The following IL1RAPL2 variants were observed in gnomAD, a reference collection of about 807,000 sequenced individuals.
IL1RAPL2 encodes the protein X-linked interleukin-1 receptor accessory protein-like 2.
Under a neutral mutation model 44.1 loss-of-function variants are expected in IL1RAPL2, and 3 were observed. The ratio of observed to expected loss-of-function variants is 0.07; its 90% CI spans 0.03 to 0.18. The LOEUF is 0.18. Among genes scored for constraint, IL1RAPL2 ranks in the 10% least tolerant of loss-of-function variants. The probability of loss-of-function intolerance (pLI) is 1.00; values close to 1 mark genes in which losing one functional copy is unlikely to be tolerated. For synonymous variants in IL1RAPL2, 181 were observed against 178.8 expected, an observed-to-expected ratio of 1.01 and a Z score of -0.10; for missense variants, 391 against 496.4, an observed-to-expected ratio of 0.79 and a Z score of 2.02.
intron 3 of IL1RAPL2, among the ~76,000 whole-genome samples, chrX:105,214,770 G>T (rs2033838521): frequency 8.9e-6 from 1 of 111,778 alleles, no homozygotes; most frequent in African/African-American, 3.3e-5. Flanking sequence ...AATCATAACA[G>T]TCTCTCGGAC....
At chrX:105,632,871 G>A (rs753574186) in intron 6 of IL1RAPL2, among the ~76,000 whole-genome samples, 14 of 111,785 alleles carry the variant, frequency 1.3e-4, no homozygotes, top group Non-Finnish European at 2.4e-4. Flanking sequence ...AGTTCTCAAC[G>A]AGGTGAGTTT....
intron 6 of IL1RAPL2, among the ~76,000 whole-genome samples, chrX:105,654,221 G>A (rs1053163054): frequency 9.3e-6 from 1 of 107,627 alleles, no homozygotes; most frequent in Non-Finnish European, 1.9e-5. Flanking sequence ...GTGAAATATT[G>A]TAAACTCCTG....
In IL1RAPL2 at chrX:105,243,673, G is replaced by C. The variant is rs781939076; in HGVS notation, c.543+9669G>C. On this transcript the variant is annotated intron_variant, in intron 4 of 10. Coordinates refer to ENST00000372582, the MANE Select transcript of IL1RAPL2 (RefSeq NM_017416.2). ...CAGAAAGATGTATTTTAGTTCAATAGGGTTTTCTTTTTAACATAGCTACTG... is the reference window on the plus strand; with the variant it reads ...CAGAAAGATGTATTTTAGTTCAATACGGTTTTCTTTTTAACATAGCTACTG... Among the ~76,000 whole-genome samples, 3 of 106,167 alleles carry C rather than the reference G, an allele frequency of 2.8e-5. No homozygotes were observed. In the South Asian group the frequency reaches 1.2e-3, roughly 44 times the overall value. The allele number at this position is 106,167 out of a possible 115,157, so 92.2% of individuals were successfully genotyped here.
intron 6 of IL1RAPL2, among the ~76,000 whole-genome samples, chrX:105,515,682 T>C (rs971051502): frequency 4.5e-5 from 5 of 111,181 alleles, no homozygotes; most frequent in African/African-American, 1.6e-4. Context: ...TCAGAAGAGA[T>C]GGAAGACAAT....
intron 2 of IL1RAPL2, among the ~76,000 whole-genome samples, chrX:104,665,459 T>C (rs1930471173): frequency 9.0e-6 from 1 of 111,107 alleles, no homozygotes; most frequent in Non-Finnish European, 1.9e-5. Context: ...CTTATTACAA[T>C]TGTGTATCAT....
chrX:105,463,990 C>T (rs1418396642), intron 5 of IL1RAPL2, among the ~76,000 whole-genome samples: 1 of 112,243 alleles, frequency 8.9e-6, no homozygotes, highest in Non-Finnish European at 1.9e-5. Flanking sequence ...ACTATCCACT[C>T]CTTGAAGGCA....
At chrX:104,580,758 T>C (rs1185090144) in intron 1 of IL1RAPL2, among the ~76,000 whole-genome samples, 1 of 112,245 alleles carries the variant, frequency 8.9e-6, no homozygotes, top group East Asian at 2.8e-4. Flanking sequence ...CCTGCCAACC[T>C]TGAGCACTGT....
At chrX:104,895,618 G>A in intron 2 of IL1RAPL2, among the ~76,000 whole-genome samples, 1 of 112,635 alleles carries the variant, frequency 8.9e-6, no homozygotes, top group East Asian at 2.8e-4. Flanking sequence ...TGTGCCATTT[G>A]CTAAGACTGT....
rs141974632 is a variant in IL1RAPL2, at chrX:104,656,735, A to G, written c.-19-2160A>G. Among the ~76,000 whole-genome samples, 7 of 111,308 alleles carry G rather than the reference A, an allele frequency of 6.3e-5. No homozygotes were observed. The East Asian group carries it at 2.0e-3, about 31-fold the overall frequency. On this transcript the variant is annotated intron_variant, in intron 1 of 10. Transcript: ENST00000372582. ...GTTCAAATCCTGAATATTCTTGTTA[A>G]TTTTTTGTCTCATTGATCTGTCTAA...
intron 5 of IL1RAPL2, among the ~76,000 whole-genome samples, chrX:105,431,254 G>A (rs1167957215): frequency 2.7e-5 from 3 of 112,148 alleles, no homozygotes; most frequent in Non-Finnish European, 5.6e-5. Context: ...TAAGTACAGA[G>A]AGCGAATACG....
intron 1 of IL1RAPL2, among the ~76,000 whole-genome samples, chrX:104,657,171 T>C (rs1282713003): frequency 4.5e-5 from 5 of 111,380 alleles, no homozygotes; most frequent in Non-Finnish European, 9.4e-5. Context: ...ATTTAGTCCA[T>C]TTACATTTAA....
chrX:105,217,512 C>G (rs1231488069), intron 3 of IL1RAPL2, among the ~76,000 whole-genome samples: 1 of 111,874 alleles, frequency 8.9e-6, no homozygotes, highest in Non-Finnish European at 1.9e-5. Flanking sequence ...GGACTGTAAA[C>G]TAGTTCAACC....
intron 2 of IL1RAPL2, among the ~76,000 whole-genome samples, chrX:104,966,319 A>C (rs1255056018): frequency 8.9e-6 from 1 of 111,790 alleles, no homozygotes; most frequent in Non-Finnish European, 1.9e-5. Flanking sequence ...TTAGACTTTT[A>C]AAACATGCTA....
chrX:105,068,089 A>G (rs140765402), intron 2 of IL1RAPL2, among the ~76,000 whole-genome samples: 2,121 of 112,313 alleles, frequency 0.019, 48 homozygotes, highest in African/African-American at 0.064. Context: ...AATGTTTATT[A>G]ATATCATTAA....
At chrX:104,740,012 T>C (rs1602705668) in intron 2 of IL1RAPL2, among the ~76,000 whole-genome samples, 1 of 111,461 alleles carries the variant, frequency 9.0e-6, no homozygotes, top group African/African-American at 3.3e-5. Context: ...ACCTGTTTGA[T>C]GGAGGTGTCT....
chrX:105,011,437 A>T (rs1385847826), intron 2 of IL1RAPL2, among the ~76,000 whole-genome samples: 1 of 111,229 alleles, frequency 9.0e-6, no homozygotes, highest in Admixed American at 9.7e-5. Context: ...GATTTTTAGT[A>T]AATTTGCCAA....
At chrX:105,494,669 TG>T (rs1039773851) in intron 6 of IL1RAPL2, among the ~76,000 whole-genome samples, 3 of 110,994 alleles carry the variant, frequency 2.7e-5, no homozygotes, top group South Asian at 3.8e-4. Flanking sequence ...GGTCCCTTTT[TG>T]GGGGGTCAGG....
chrX:105,470,127 C>A (rs757951506), intron 5 of IL1RAPL2, among the ~76,000 whole-genome samples: 21 of 111,454 alleles, frequency 1.9e-4, no homozygotes, highest in African/African-American at 6.5e-4. Context: ...ATAGCTATAT[C>A]TCTGGGATGC....
intron 2 of IL1RAPL2, among the ~76,000 whole-genome samples, chrX:104,896,326 A>G (rs1439842990): frequency 8.9e-6 from 1 of 111,898 alleles, no homozygotes; most frequent in African/African-American, 3.3e-5. Context: ...ACTTCTGCCA[A>G]GGACCCCTGG....
Sources: gnomAD v4.1 joint callset for allele counts (sites outside exome capture counted in the v4.1 genomes callset) on GRCh38, gnomAD v4.1.1 for gene constraint, MANE v1.5 for transcripts, NCBI Gene and HGNC (gene_info 2026-07-23, HGNC 2026-07-21) for gene names.